The following CCDC88C variants were observed in gnomAD, a reference collection of about 807,000 sequenced individuals.
The protein encoded by CCDC88C is protein Daple.
Under a neutral mutation model 198.8 loss-of-function variants are expected in CCDC88C, and 131 were observed. The observed-to-expected ratio is 0.66, with a 90% CI of 0.57 to 0.76. CCDC88C has a LOEUF of 0.76. Among genes scored for constraint, CCDC88C ranks in the 30% least tolerant of loss-of-function variants. The pLI is 0.00. For missense variants in CCDC88C, 2,553 were observed against 2,631.6 expected, an observed-to-expected ratio of 0.97 and a Z score of 0.65; for synonymous variants, 1,166 against 1,114.7, an observed-to-expected ratio of 1.05 and a Z score of -0.92.
chr14:91,331,063 G>A (rs777540042), intron 10 of CCDC88C, among the ~76,000 whole-genome samples: 40 of 149,834 alleles, frequency 2.7e-4, no homozygotes, highest in Non-Finnish European at 5.5e-4. Flanking sequence ...ATATGTCCAT[G>A]TCAGGAGCGC....
At chr14:91,399,844 A>AG (rs1215275465) in intron 3 of CCDC88C, among the ~76,000 whole-genome samples, 4 of 147,614 alleles carry the variant, frequency 2.7e-5, no homozygotes, top group African/African-American at 9.9e-5. Flanking sequence ...CTCTCAAAAA[A>AG]AAAAAAAAAA....
Position 91,315,683 on chromosome 14 carries a change from G to A in CCDC88C, c.1632C>T (p.Asp544=), listed in dbSNP as rs1366434742. ...CTTTGTCAGCCTTCAGGGTCTCCATGTCACTCTGCAGCTGCTCCTTCTCTC... is the reference window on the plus strand; with the variant it reads ...CTTTGTCAGCCTTCAGGGTCTCCATATCACTCTGCAGCTGCTCCTTCTCTC... ...LIREKEQLQS[D]METLKADKAR... Residue 544 remains aspartate (D), a synonymous_variant, in exon 14 of 30, where the codon GAC becomes GAT. Transcript: ENST00000389857. The A allele has an allele frequency of 2.5e-6, 4 of 1,613,836 alleles. No individual in the cohort carries two copies. Among genetic ancestry groups the A allele is most frequent in the Non-Finnish European group, 3.4e-6 (4 of 1,179,880 alleles).
rs11845196 is a variant in CCDC88C at position 91,340,101 on chromosome 14, C to T, written c.484-77G>A. 883 of 1,547,024 alleles carry T rather than the reference C, an allele frequency of 5.7e-4. 13 individuals carry two copies. In the African/African-American group the frequency reaches 0.01, roughly 18 times the overall value. On this transcript the variant is annotated intron_variant, in intron 6 of 29. Coordinates refer to ENST00000389857, the MANE Select transcript of CCDC88C (RefSeq NM_001080414.4). Reference sequence around the variant, plus strand: ...CTTCCCTCACACTGCAAACAGCATCCCCTTCCAATCAACCTTACTAATCCC... The same window carrying T: ...CTTCCCTCACACTGCAAACAGCATCTCCTTCCAATCAACCTTACTAATCCC...
intron 10 of CCDC88C, among the ~76,000 whole-genome samples, chr14:91,333,828 C>T (rs542358439): frequency 2.6e-5 from 4 of 152,234 alleles, no homozygotes; most frequent in Admixed American, 2.6e-4. Context: ...TAGACACAGA[C>T]CGCATCTTGA....
chr14:91,328,879 G>A (rs1409760835), intron 10 of CCDC88C, among the ~76,000 whole-genome samples: 1 of 152,160 alleles, frequency 6.6e-6, no homozygotes, highest in Non-Finnish European at 1.5e-5. Context: ...CTGGCTTCTA[G>A]GGTGCCTCCT....
In CCDC88C at chr14:91,308,338, C is replaced by A. The variant is rs759811667; in HGVS notation, c.3006+13G>T. The A allele has an allele frequency of 1.2e-6, 2 of 1,613,854 alleles. No homozygotes were observed. Among genetic ancestry groups the A allele is most frequent in the South Asian group, 1.1e-5 (1 of 91,064 alleles). On this transcript the variant is annotated intron_variant, in intron 17 of 29. Coordinates refer to ENST00000389857, the MANE Select transcript of CCDC88C (RefSeq NM_001080414.4). ...TGGGCAGCTGGGCCCCACAGTGCAA[C>A]CTCCACACTCACCATCTGCAGCTCA...
intron 4 of CCDC88C, among the ~76,000 whole-genome samples, chr14:91,355,888 G>A (rs1342812853): frequency 6.6e-6 from 1 of 152,030 alleles, no homozygotes; most frequent in Non-Finnish European, 1.5e-5. Flanking sequence ...TGCTCTGTTG[G>A]GATCTGGAAT....
At chr14:91,354,137 C>T (rs1893934778) in intron 4 of CCDC88C, among the ~76,000 whole-genome samples, 1 of 152,198 alleles carries the variant, frequency 6.6e-6, no homozygotes, top group African/African-American at 2.4e-5. Flanking sequence ...TTCTAAATGG[C>T]TTCGGTGGGA....
intron 23 of CCDC88C, among the ~76,000 whole-genome samples, chr14:91,291,810 G>A (rs1242252548): frequency 6.6e-6 from 1 of 152,168 alleles, no homozygotes; most frequent in Non-Finnish European, 1.5e-5. Flanking sequence ...AACTCTGCCA[G>A]GGACCAAAGA....
rs763217053 is a variant in CCDC88C at position 91,278,190 on chromosome 14, C to G, written c.4790G>C (p.Gly1597Ala). The change falls in exon 29 of 30, where the codon GGC becomes GCC. Residue 1597 changes from glycine to alanine, a missense_variant. This residue lies in a region of CCDC88C where 1,293 missense variants were observed against 1,219.6 expected (regional missense o/e 1.06). Transcript: ENST00000389857. Reference sequence around the variant, plus strand: ...TTCGCTGCTGAAGCTCTCAGACCGGCCATGGAGCTGCTCGGAGGAGCCTGG... The same window carrying G: ...TTCGCTGCTGAAGCTCTCAGACCGGGCATGGAGCTGCTCGGAGGAGCCTGG... ...NLKGSSEQLH[G>A]RSESFSSEDL... 1.2e-6 allele frequency: 2 copies of G among 1,607,106 alleles called. No individual in the cohort carries two copies. Among genetic ancestry groups the G allele is most frequent in the Non-Finnish European group, 1.7e-6 (2 of 1,175,596 alleles).
chr14:91,417,658 G>T lies in CCDC88C; in HGVS notation c.33C>A (p.Leu11=). Residue 11 remains leucine (L), a synonymous_variant, in exon 1 of 30, where the codon CTC becomes CTA. Transcript: ENST00000389857. The stretch of plus-strand genomic sequence containing the variant: ...AGGTCACCAGCGGGCTCTGCAGGAA[G>T]AGCTCCAGGAGCTCCGAGACTGTCA... MDVTVSELLE[L]FLQSPLVTWV... 1.3e-6 allele frequency: 2 copies of T among 1,586,516 alleles called. No individual in the cohort carries two copies. The highest frequency in any genetic ancestry group is 8.6e-7 in the Non-Finnish European group (1 of 1,169,578).
At chr14:91,285,370 A>AG (rs1401456191) in intron 25 of CCDC88C, 7 of 450,784 alleles carry the variant, frequency 1.6e-5, no homozygotes, top group Admixed American at 7.2e-5. Context: ...AAGAGACGGG[A>AG]GGGGGGCACG....
chr14:91,301,614 G>A lies in CCDC88C; in HGVS notation c.3636-1544C>T, dbSNP rs545028057. On this transcript the variant is annotated intron_variant, in intron 20 of 29. Transcript: ENST00000389857. ...TGCCTGTAGTCCCAGCTACTTGGGA[G>A]GCTGAAGTAGGAGGATTGCTTGAAG... Among the ~76,000 whole-genome samples, 8 of 152,338 alleles carry A rather than the reference G, an allele frequency of 5.3e-5. No individual in the cohort carries two copies. In the South Asian group the frequency reaches 1.0e-3, roughly 20 times the overall value.
intron 3 of CCDC88C, among the ~76,000 whole-genome samples, chr14:91,404,696 G>C (rs1460976464): frequency 6.6e-6 from 1 of 152,172 alleles, no homozygotes; most frequent in African/African-American, 2.4e-5. Context: ...GGGCGCGGTG[G>C]CTCACGCCTG....
intron 4 of CCDC88C, among the ~76,000 whole-genome samples, chr14:91,345,295 C>T (rs953358116): frequency 1.6e-4 from 23 of 145,844 alleles, no homozygotes; most frequent in South Asian, 4.4e-4. Flanking sequence ...TGGGTTCAAG[C>T]GATTCTCCTG....
At chr14:91,329,880 A>T (rs1726597451) in intron 10 of CCDC88C, among the ~76,000 whole-genome samples, 1 of 152,208 alleles carries the variant, frequency 6.6e-6, no homozygotes, top group Admixed American at 6.5e-5. Context: ...TTTGGGCCAG[A>T]CCCTGAGAAT....
Position 91,313,768 on chromosome 14 carries a change from T to C in CCDC88C, c.2048A>G (p.Asp683Gly), listed in dbSNP as rs1380064461. 1.2e-6 allele frequency: 2 copies of C among 1,607,250 alleles called. No individual in the cohort carries two copies. Among genetic ancestry groups the C allele is most frequent in the East Asian group, 4.5e-5 (2 of 44,812 alleles). ...CTGCAGGGACACGTTCTGCAAGGTG[T>C]CCAGAGACTTCCTCAGAGTCCGGTT... ...LENRTLRKSLDTLQNVSLQLE... is the reference protein window; with the variant it reads ...LENRTLRKSLGTLQNVSLQLE... Residue 683 changes from aspartate (D) to glycine (G), a missense_variant, in exon 15 of 30, where the codon GAC (aspartate) becomes GGC (glycine). This residue lies in a region of CCDC88C where 1,260 missense variants were observed against 1,412.0 expected (regional missense o/e 0.89). Coordinates refer to ENST00000389857, the MANE Select transcript of CCDC88C (RefSeq NM_001080414.4). The surrounding 1 kb of genome is among the most constrained non-coding windows in gnomAD (Gnocchi z 5.2).
In CCDC88C at chr14:91,281,567, T is replaced by C. The variant is rs1328454952; in HGVS notation, c.4631-42A>G. On this transcript the variant is annotated intron_variant, in intron 26 of 29. Transcript: ENST00000389857. ...GCTAGTGAGTCATGGTTACGGAACA[T>C]GCCTCATCCACAGGGAACCCCGCCA... 3.8e-6 allele frequency: 6 copies of C among 1,592,094 alleles called. No homozygotes were observed. In the African/African-American group the frequency reaches 5.4e-5, roughly 14 times the overall value.
chr14:91,355,064 A>G (rs1384418016), intron 4 of CCDC88C, among the ~76,000 whole-genome samples: 1 of 152,114 alleles, frequency 6.6e-6, no homozygotes, highest in Non-Finnish European at 1.5e-5. Context: ...GGGCTGCAAA[A>G]TGACAGTCGG....
Sources: allele counts gnomAD v4.1 joint callset (sites outside exome capture counted in the v4.1 genomes callset), GRCh38; gene constraint gnomAD v4.1.1; regional missense constraint gnomAD v4.1.1; non-coding constraint Gnocchi (gnomAD v3.1); transcripts MANE v1.5; gene names NCBI Gene and HGNC (gene_info 2026-07-23, HGNC 2026-07-21).